RANBP2: variants seen among roughly 807,000 people sequenced by gnomAD.
The protein encoded by RANBP2 is E3 SUMO-protein ligase RanBP2.
A neutral mutation model predicts 303.6 loss-of-function variants in RANBP2; 57 were observed. The observed-to-expected ratio is 0.19, with a 90% CI of 0.15 to 0.23. The LOEUF is 0.23. Among genes scored for constraint, RANBP2 ranks in the 10% least tolerant of loss-of-function variants. The pLI is 1.00. For synonymous variants in RANBP2, 1,167 were observed against 1,301.5 expected, an observed-to-expected ratio of 0.90 and a Z score of 2.23; for missense variants, 3,138 against 3,780.8, an observed-to-expected ratio of 0.83 and a Z score of 4.46.
the RANBP2 span, among the ~76,000 whole-genome samples, chr2:108,849,276 G>A: frequency 1.3e-5 from 2 of 152,200 alleles, no homozygotes. Flanking sequence ...TATGAAGAGG[G>A]GAGACAAAAA....
the RANBP2 span, among the ~76,000 whole-genome samples, chr2:109,304,780 C>T: frequency 2.0e-5 from 3 of 152,244 alleles, no homozygotes; most frequent in East Asian, 3.9e-4. Flanking sequence ...AGCAGGGACC[C>T]GGCTCAGCCC....
At chr2:109,600,165 C>T in the RANBP2 span, among the ~76,000 whole-genome samples, 5 of 152,314 alleles carry the variant, frequency 3.3e-5, no homozygotes, top group African/African-American at 2.4e-5. Context: ...CAGATCCACA[C>T]GGTTCTGCAG....
At chr2:109,499,589 G>A in the RANBP2 span, among the ~76,000 whole-genome samples, 1 of 152,212 alleles carries the variant, frequency 6.6e-6, no homozygotes, top group Admixed American at 6.5e-5. Flanking sequence ...AGTGGGGATG[G>A]GGCCCTGCCT....
chr2:108,897,057 G>A, the RANBP2 span: 1 of 1,614,168 alleles, frequency 6.2e-7, no homozygotes, highest in South Asian at 1.1e-5. Flanking sequence ...TGCTGATGCG[G>A]TCAAAGAGTT....
chr2:108,744,392 C>T (rs553862413), intron 7 of RANBP2, among the ~76,000 whole-genome samples: 141 of 145,446 alleles, frequency 9.7e-4, no homozygotes, highest in Non-Finnish European at 1.4e-3. Context: ...GGCGACAGAG[C>T]GAGACTCCAT....
chr2:108,979,932 C>T, the RANBP2 span, among the ~76,000 whole-genome samples: 1 of 152,142 alleles, frequency 6.6e-6, no homozygotes, highest in Non-Finnish European at 1.5e-5. Context: ...TGCTGTGGCT[C>T]TATTATCCTG....
chr2:109,250,864 A>T, the RANBP2 span, among the ~76,000 whole-genome samples: 1 of 152,160 alleles, frequency 6.6e-6, no homozygotes, highest in Non-Finnish European at 1.5e-5. Context: ...TAGAACAAAA[A>T]ATCAAATCAC....
chr2:109,266,730 G>A, the RANBP2 span, among the ~76,000 whole-genome samples: 1 of 152,168 alleles, frequency 6.6e-6, no homozygotes. Flanking sequence ...CAGTGACACG[G>A]CCCACGCTTG....
the RANBP2 span, among the ~76,000 whole-genome samples, chr2:109,002,454 G>C: frequency 6.6e-6 from 1 of 152,174 alleles, no homozygotes; most frequent in African/African-American, 2.4e-5. Flanking sequence ...CTCAGCTGGA[G>C]TGGCCTTTCT....
the RANBP2 span, among the ~76,000 whole-genome samples, chr2:109,064,566 G>A: frequency 3.4e-4 from 52 of 152,042 alleles, no homozygotes; most frequent in Non-Finnish European, 6.2e-4. Flanking sequence ...CCTTCACACA[G>A]TAGGGTGTTA....
chr2:109,325,779 G>C, the RANBP2 span, among the ~76,000 whole-genome samples: 2 of 152,218 alleles, frequency 1.3e-5, no homozygotes, highest in Non-Finnish European at 2.9e-5. Flanking sequence ...TAGGGGTTCA[G>C]GTGCCTGCTG....
At chr2:109,254,361 T>C in the RANBP2 span, among the ~76,000 whole-genome samples, 1 of 152,188 alleles carries the variant, frequency 6.6e-6, no homozygotes, top group South Asian at 2.1e-4. Context: ...TTGGCCTCTC[T>C]GTGCCTCAGT....
At chr2:108,868,561 C>A in the RANBP2 span, among the ~76,000 whole-genome samples, 3 of 152,198 alleles carry the variant, frequency 2.0e-5, no homozygotes, top group Admixed American at 1.3e-4. Context: ...TAAAAACTTT[C>A]TCCTCCAGCC....
At chr2:109,461,713 C>G in the RANBP2 span, among the ~76,000 whole-genome samples, 1 of 152,164 alleles carries the variant, frequency 6.6e-6, no homozygotes, top group South Asian at 2.1e-4. Flanking sequence ...ACGTAGCATC[C>G]CTGTCTGCCA....
At chr2:108,743,267 A>G (rs1380579411) in intron 7 of RANBP2, among the ~76,000 whole-genome samples, 1 of 151,942 alleles carries the variant, frequency 6.6e-6, no homozygotes, top group East Asian at 1.9e-4. Flanking sequence ...GCACAGCCTA[A>G]AATTTTTTGA....
the RANBP2 span, among the ~76,000 whole-genome samples, chr2:109,025,555 C>A: frequency 6.6e-6 from 1 of 152,104 alleles, no homozygotes; most frequent in East Asian, 1.9e-4. Context: ...CGCCTGTAAT[C>A]CCAGCACTTT....
chr2:109,462,262 C>A, the RANBP2 span, among the ~76,000 whole-genome samples: 1 of 151,428 alleles, frequency 6.6e-6, no homozygotes, highest in Non-Finnish European at 1.5e-5. Flanking sequence ...GAGAATTGAT[C>A]TACCCCTGAG....
At chr2:109,619,816 G>A in the RANBP2 span, among the ~76,000 whole-genome samples, 1 of 152,128 alleles carries the variant, frequency 6.6e-6, no homozygotes, top group Non-Finnish European at 1.5e-5. Context: ...TTTCTTACAT[G>A]ATTAATTCCA....
At chr2:109,235,321 C>T in the RANBP2 span, among the ~76,000 whole-genome samples, 1 of 152,196 alleles carries the variant, frequency 6.6e-6, no homozygotes, top group East Asian at 1.9e-4. Context: ...TTCCTACCTC[C>T]TCTTCATCCA....
Sources: allele counts gnomAD v4.1 joint callset (sites outside exome capture counted in the v4.1 genomes callset), GRCh38; gene constraint gnomAD v4.1.1; transcripts MANE v1.5; gene names NCBI Gene and HGNC (gene_info 2026-07-23, HGNC 2026-07-21).